CLVS1: variants seen among roughly 807,000 people sequenced by gnomAD.
The protein encoded by CLVS1 is clavesin-1.
A neutral mutation model predicts 33.1 loss-of-function variants in CLVS1; 10 were observed. The observed-to-expected ratio is 0.30, with a 90% CI of 0.19 to 0.51. CLVS1 has a LOEUF of 0.51. Among genes scored for constraint, CLVS1 ranks in the 20% least tolerant of loss-of-function variants. The probability of loss-of-function intolerance (pLI) is 0.97; values close to 1 mark genes in which losing one functional copy is unlikely to be tolerated. For missense variants in CLVS1, 343 were observed against 433.4 expected (o/e 0.79, Z 1.85); for synonymous variants, 163 against 166.1 (o/e 0.98, Z 0.14).
chr8:61,398,883 A>T (rs1814639821), intron 3 of CLVS1, among the ~76,000 whole-genome samples: 1 of 152,128 alleles, frequency 6.6e-6, no homozygotes, highest in Non-Finnish European at 1.5e-5. Flanking sequence ...ACATGATCTT[A>T]TTCCTTTTTA....
At chr8:61,051,065 G>T in the CLVS1 span, among the ~76,000 whole-genome samples, 1 of 152,182 alleles carries the variant, frequency 6.6e-6, no homozygotes, top group African/African-American at 2.4e-5. Context: ...GAAATAAACA[G>T]GCTCCTCTGC....
At chr8:61,045,754 T>C in the CLVS1 span, among the ~76,000 whole-genome samples, 1 of 152,160 alleles carries the variant, frequency 6.6e-6, no homozygotes, top group African/African-American at 2.4e-5. Flanking sequence ...TTCTTGGAGG[T>C]GGCTGCTTCC....
chr8:61,458,650 G>A (rs950386363), intron 5 of CLVS1, 108 bp downstream of exon 5: 2 of 732,760 alleles, frequency 2.7e-6, no homozygotes, highest in Admixed American at 3.4e-5. Flanking sequence ...CAGAGAACTT[G>A]AATAAAATAA....
intron 3 of CLVS1, among the ~76,000 whole-genome samples, chr8:61,428,677 T>C (rs1033274067): frequency 3.9e-5 from 6 of 152,230 alleles, no homozygotes; most frequent in South Asian, 4.1e-4. Flanking sequence ...CAGAGAAATA[T>C]AGTCAACCCC....
At chr8:61,085,992 C>T (rs930506605) in intron 1 of CLVS1, among the ~76,000 whole-genome samples, 36 of 127,018 alleles carry the variant, frequency 2.8e-4, no homozygotes, top group African/African-American at 5.5e-4. Context: ...GCCGAGATCA[C>T]GCCACTGCAC....
chr8:61,068,821 G>A (rs1326175617), intron 1 of CLVS1, among the ~76,000 whole-genome samples: 1 of 152,072 alleles, frequency 6.6e-6, no homozygotes, highest in Non-Finnish European at 1.5e-5. Flanking sequence ...ACACCTCCCG[G>A]GGTCTCTCGA....
intron 2 of CLVS1, among the ~76,000 whole-genome samples, chr8:61,268,412 A>G (rs1230519148): frequency 1.3e-4 from 19 of 151,100 alleles, no homozygotes; most frequent in African/African-American, 4.4e-4. Flanking sequence ...AATCCAGTCT[A>G]TCATTGTTGG....
rs1029308711 is a variant in CLVS1, at chr8:61,402,180, A to G, written c.630+25401A>G. Among the ~76,000 whole-genome samples the G allele has an allele frequency of 5.9e-5, 9 of 152,182 alleles. No individual in the cohort carries two copies. In the South Asian group the frequency reaches 1.9e-3, roughly 31 times the overall value. ...CACAATTCTAAAATTCTTAGCAGCC[A>G]TAAAAAGCAAGAGACCCTAAGGGCA... On this transcript the variant is annotated intron_variant, in intron 3 of 5. Coordinates refer to ENST00000325897, the MANE Select transcript of CLVS1 (RefSeq NM_173519.3).
At chr8:61,148,760 T>A (rs1055222780) in intron 2 of CLVS1, among the ~76,000 whole-genome samples, 1 of 152,180 alleles carries the variant, frequency 6.6e-6, no homozygotes, top group South Asian at 2.1e-4. Context: ...AGAGAGACAT[T>A]GCTAAACAGG....
intron 2 of CLVS1, among the ~76,000 whole-genome samples, chr8:61,373,747 G>T (rs373817176): frequency 9.2e-5 from 14 of 151,912 alleles, no homozygotes; most frequent in African/African-American, 3.4e-4. Context: ...CTACCTTTTG[G>T]TGTTGGATAG....
At chr8:61,187,504 A>G (rs1807365654) in intron 2 of CLVS1, among the ~76,000 whole-genome samples, 1 of 152,144 alleles carries the variant, frequency 6.6e-6, no homozygotes, top group Non-Finnish European at 1.5e-5. Context: ...AGACATTGTG[A>G]TGTATATGGT....
intron 1 of CLVS1, among the ~76,000 whole-genome samples, chr8:61,293,335 T>A (rs1810063913): frequency 6.6e-6 from 1 of 152,158 alleles, no homozygotes; most frequent in Non-Finnish European, 1.5e-5. Flanking sequence ...GGTCACTTTT[T>A]ACCCACAGGT....
At chr8:61,374,058 C>T (rs1410679801) in intron 2 of CLVS1, among the ~76,000 whole-genome samples, 1 of 152,176 alleles carries the variant, frequency 6.6e-6, no homozygotes, top group Non-Finnish European at 1.5e-5. Context: ...GGCATCCTGT[C>T]ATGGTGCCAG....
chr8:61,188,123 A>G (rs1168550471), intron 2 of CLVS1, among the ~76,000 whole-genome samples: 1 of 152,164 alleles, frequency 6.6e-6, no homozygotes, highest in Non-Finnish European at 1.5e-5. Context: ...TGTAGCTGAA[A>G]AATTAGCTGA....
intron 1 of CLVS1, among the ~76,000 whole-genome samples, chr8:61,066,304 C>T (rs187885313): frequency 2.9e-4 from 44 of 152,158 alleles, no homozygotes; most frequent in African/African-American, 9.6e-4. Flanking sequence ...GAGACCAGCC[C>T]GGGCAACATG....
At chr8:61,151,144 G>T (rs1168321987) in intron 2 of CLVS1, among the ~76,000 whole-genome samples, 1 of 152,192 alleles carries the variant, frequency 6.6e-6, no homozygotes, top group African/African-American at 2.4e-5. Context: ...CAACAGAAAG[G>T]CAATGAGAGG....
Position 61,187,273 on chromosome 8 carries a change from T to C in CLVS1, c.-152+55413T>C, listed in dbSNP as rs558750901. ...AAAATTACCATTCATTTAAGCATGC[T>C]AGATATCCCATATTTATTATAGCTC... is the stretch of plus-strand genomic sequence containing the variant. On this transcript the variant is annotated intron_variant, in intron 2 of 2. Coordinates refer to the CLVS1 transcript ENST00000522621. Among the ~76,000 whole-genome samples the C allele has an allele frequency of 2.0e-5, 3 of 152,242 alleles. No homozygotes were observed. In the East Asian group the frequency reaches 5.8e-4, roughly 29 times the overall value.
chr8:60,982,962 C>A, the CLVS1 span, among the ~76,000 whole-genome samples: 2 of 152,080 alleles, frequency 1.3e-5, no homozygotes, highest in East Asian at 3.9e-4. Flanking sequence ...CCCCCCACAC[C>A]CCAAACTGAA....
intron 3 of CLVS1, among the ~76,000 whole-genome samples, chr8:61,421,108 G>C (rs1365220918): frequency 1.3e-5 from 2 of 152,202 alleles, no homozygotes; most frequent in Non-Finnish European, 2.9e-5. Context: ...ATTAGAGGTG[G>C]TTGGTGCTTT....
Sources: gnomAD v4.1 joint callset for allele counts (sites outside exome capture counted in the v4.1 genomes callset) on GRCh38, gnomAD v4.1.1 for gene constraint, MANE v1.5 for transcripts, NCBI Gene and HGNC (gene_info 2026-07-23, HGNC 2026-07-21) for gene names.